Variants in DTNB observed in about 807,000 individuals in gnomAD.
DTNB encodes dystrobrevin beta, also known as DTN-B.
DTNB carries 63 observed loss-of-function variants against 90.7 expected under a neutral mutation model. That is an observed-to-expected ratio of 0.69 (90% CI 0.57 to 0.86). The LOEUF is 0.86. Ranked by LOEUF, DTNB falls within the 40% of genes least tolerant of loss-of-function variation. The pLI is 0.00. For missense variants in DTNB, 744 were observed against 807.1 expected (o/e 0.92, Z 0.95); for synonymous variants, 277 against 286.7 (o/e 0.97, Z 0.34).
intron 9 of DTNB, among the ~76,000 whole-genome samples, chr2:25,506,663 A>G (rs769303505): frequency 3.3e-5 from 5 of 152,230 alleles, no homozygotes; most frequent in Non-Finnish European, 7.3e-5. Flanking sequence ...ACTTAGCAAA[A>G]TATCACATGT....
At chr2:25,592,997 T>C (rs949517517) in intron 6 of DTNB, among the ~76,000 whole-genome samples, 1 of 152,154 alleles carries the variant, frequency 6.6e-6, no homozygotes, top group Admixed American at 6.5e-5. Flanking sequence ...AGATATCGGA[T>C]CCAGGGGAAA....
At chr2:25,644,633 A>AAGCCC (rs2079045751) in intron 2 of DTNB, among the ~76,000 whole-genome samples, 1 of 152,116 alleles carries the variant, frequency 6.6e-6, no homozygotes, top group Admixed American at 6.6e-5. Context: ...AGCACCTGAA[A>AAGCCC]TCCCAGCTAC....
At chr2:25,659,274 C>T (rs1400397877) in intron 1 of DTNB, among the ~76,000 whole-genome samples, 1 of 152,076 alleles carries the variant, frequency 6.6e-6, no homozygotes, top group Non-Finnish European at 1.5e-5. Context: ...AACACTCTAC[C>T]AACAATAATG....
intron 8 of DTNB, among the ~76,000 whole-genome samples, chr2:25,566,962 A>G (rs2059135949): frequency 6.6e-6 from 1 of 152,196 alleles, no homozygotes; most frequent in Admixed American, 6.5e-5. Context: ...CCAAGACAAG[A>G]GGTCAGACAG....
At chr2:25,616,210 C>T (rs1018096879) in intron 4 of DTNB, among the ~76,000 whole-genome samples, 1 of 152,134 alleles carries the variant, frequency 6.6e-6, no homozygotes, top group African/African-American at 2.4e-5. Context: ...AGCAAGAGAG[C>T]CAGGTCACAC....
At chr2:25,454,542 T>A (rs1250585728) in intron 11 of DTNB, among the ~76,000 whole-genome samples, 2 of 152,238 alleles carry the variant, frequency 1.3e-5, no homozygotes, top group Non-Finnish European at 2.9e-5. Context: ...AGGGGAAGGA[T>A]GGCTTTAGAT....
In DTNB at chr2:25,596,080, C is replaced by A. The variant is rs1226083641; in HGVS notation, c.603+6G>T. ...CTAGCCCTAGATTCTATAAAACTGTCCTTACCTGCTGTGGAAAACAGGTGC... is the reference window on the plus strand; with the variant it reads ...CTAGCCCTAGATTCTATAAAACTGTACTTACCTGCTGTGGAAAACAGGTGC... On this transcript the variant is annotated splice_donor_region_variant and intron_variant, in intron 6 of 20. Transcript: ENST00000406818. The A allele has an allele frequency of 4.4e-6, 7 of 1,598,376 alleles. No homozygotes were observed. In the Admixed American group the frequency reaches 5.3e-5, roughly 12 times the overall value.
At chr2:25,520,640 A>G (rs1228520945) in intron 9 of DTNB, among the ~76,000 whole-genome samples, 3 of 152,258 alleles carry the variant, frequency 2.0e-5, no homozygotes, top group African/African-American at 7.2e-5. Flanking sequence ...GAAAACAAGC[A>G]TATTTGTGTT....
At chr2:25,499,215 A>C (rs947584160) in intron 9 of DTNB, among the ~76,000 whole-genome samples, 3 of 152,012 alleles carry the variant, frequency 2.0e-5, no homozygotes, top group Non-Finnish European at 4.4e-5. Context: ...AAACAAAAAC[A>C]ACCATATCAG....
intron 16 of DTNB, among the ~76,000 whole-genome samples, chr2:25,391,400 A>G (rs1352926049): frequency 6.6e-6 from 1 of 152,144 alleles, no homozygotes; most frequent in Non-Finnish European, 1.5e-5. Flanking sequence ...AACTCTTACA[A>G]CTCAATAATA....
At chr2:25,529,540 C>T (rs1256050610) in intron 9 of DTNB, among the ~76,000 whole-genome samples, 1 of 151,672 alleles carries the variant, frequency 6.6e-6, no homozygotes, top group Non-Finnish European at 1.5e-5. Flanking sequence ...AACAGATAAA[C>T]TGTGCTATGG....
intron 9 of DTNB, among the ~76,000 whole-genome samples, chr2:25,526,524 T>C (rs992134267): frequency 2.0e-5 from 3 of 151,150 alleles, no homozygotes; most frequent in Non-Finnish European, 4.4e-5. Context: ...GCCTCCCGAG[T>C]AGCCGGGATT....
At chr2:25,650,105 AC>A (rs2080535899) in intron 2 of DTNB, 1 of 985,358 alleles carries the variant, frequency 1.0e-6, no homozygotes, top group Non-Finnish European at 1.2e-6. Flanking sequence ...AGTAACATTC[AC>A]AAAGAAGTAA....
chr2:25,536,958 G>T (rs963884377), intron 8 of DTNB, among the ~76,000 whole-genome samples: 1 of 151,988 alleles, frequency 6.6e-6, no homozygotes, highest in Admixed American at 6.6e-5. Flanking sequence ...GGCCAGGATG[G>T]TCTCAATCTC....
chr2:25,530,615 C>T (rs1468241874), intron 9 of DTNB, among the ~76,000 whole-genome samples: 2 of 151,866 alleles, frequency 1.3e-5, no homozygotes. Flanking sequence ...TTGTAATTCA[C>T]ATGCATGGAT....
At chr2:25,397,877 C>CAAAAAA (rs56318909) in intron 16 of DTNB, among the ~76,000 whole-genome samples, 5 of 73,118 alleles carry the variant, frequency 6.8e-5, no homozygotes, top group Non-Finnish European at 1.1e-4. Flanking sequence ...AAGACTGTCT[C>CAAAAAA]AAAAAAAAAA....
intron 6 of DTNB, among the ~76,000 whole-genome samples, chr2:25,593,775 C>G (rs78483296): frequency 6.6e-5 from 10 of 152,292 alleles, no homozygotes; most frequent in Non-Finnish European, 1.5e-4. Flanking sequence ...AGATTCTCAT[C>G]GGAATACTAA....
chr2:25,456,817 C>T (rs1377237255), intron 10 of DTNB, among the ~76,000 whole-genome samples: 1 of 151,996 alleles, frequency 6.6e-6, no homozygotes, highest in Non-Finnish European at 1.5e-5. Flanking sequence ...ATCTCCCTGC[C>T]TCAGCTTCTC....
intron 9 of DTNB, among the ~76,000 whole-genome samples, chr2:25,531,258 T>G (rs1039626063): frequency 2.0e-5 from 3 of 152,234 alleles, no homozygotes; most frequent in Admixed American, 6.5e-5. Context: ...GCTGCCATAT[T>G]ACTCAGGCTT....
Sources: gnomAD v4.1 joint callset for allele counts (sites outside exome capture counted in the v4.1 genomes callset) on GRCh38, gnomAD v4.1.1 for gene constraint, MANE v1.5 for transcripts, NCBI Gene and HGNC (gene_info 2026-07-23, HGNC 2026-07-21) for gene names.